The following CTNNA3 variants were observed in gnomAD, a reference collection of about 807,000 sequenced individuals.
The protein encoded by CTNNA3 is catenin alpha 3, also known as catenin alpha-3.
A neutral mutation model predicts 95.7 loss-of-function variants in CTNNA3; 76 were observed. The ratio of observed to expected loss-of-function variants is 0.79; its 90% CI spans 0.66 to 0.96. CTNNA3 has a LOEUF of 0.96. Ranked by LOEUF, CTNNA3 falls within the 40% of genes least tolerant of loss-of-function variation. The pLI, the probability that CTNNA3 is intolerant of heterozygous loss-of-function variation, is 0.00. For missense variants in CTNNA3, 1,191 were observed against 1,089.8 expected (o/e 1.09, Z -1.31); for synonymous variants, 431 against 374.4 (o/e 1.15, Z -1.74).
At chr10:65,927,977 C>CT (rs1459619207) in intron 17 of CTNNA3, among the ~76,000 whole-genome samples, 1 of 151,984 alleles carries the variant, frequency 6.6e-6, no homozygotes, top group Non-Finnish European at 1.5e-5. Flanking sequence ...TATTTTGATT[C>CT]TTTTTACATT....
At chr10:66,035,255 C>G (rs1237580538) in intron 15 of CTNNA3, among the ~76,000 whole-genome samples, 1 of 152,042 alleles carries the variant, frequency 6.6e-6, no homozygotes, top group Non-Finnish European at 1.5e-5. Flanking sequence ...GAAAAGGGTA[C>G]AGGTAGGGAA....
rs534595702 is a variant in CTNNA3, at chr10:67,559,057, C to T, written c.293-19388G>A. Among the ~76,000 whole-genome samples the T allele has an allele frequency of 9.2e-5, 14 of 152,340 alleles. No individual in the cohort carries two copies. The East Asian group carries it at 2.5e-3, about 27-fold the overall frequency. ...CCTCTGTAGGCTCCACCTCTGGGGG[C>T]AGGGCACAGACAAACAAAAAGACAG... is the stretch of plus-strand genomic sequence containing the variant. On this transcript the variant is annotated intron_variant, in intron 3 of 17. Coordinates refer to ENST00000433211, the MANE Select transcript of CTNNA3 (RefSeq NM_013266.4).
intron 11 of CTNNA3, among the ~76,000 whole-genome samples, chr10:66,438,648 G>A (rs182822035): frequency 7.2e-5 from 11 of 152,226 alleles, no homozygotes; most frequent in African/African-American, 1.9e-4. Flanking sequence ...GGTGGGATCC[G>A]CTGAGCTAGA....
intron 12 of CTNNA3, among the ~76,000 whole-genome samples, chr10:66,374,773 C>T (rs2092782586): frequency 6.6e-6 from 1 of 151,932 alleles, no homozygotes; most frequent in East Asian, 1.9e-4. Flanking sequence ...TGCTACAACA[C>T]CCATCTAATT....
intron 10 of CTNNA3, among the ~76,000 whole-genome samples, chr10:66,521,705 T>A (rs1589371392): frequency 1.3e-5 from 2 of 152,206 alleles, no homozygotes; most frequent in South Asian, 4.1e-4. Context: ...AAAATGCCTT[T>A]AGCATATCAA....
At chr10:66,584,794 C>T (rs994183272) in intron 10 of CTNNA3, among the ~76,000 whole-genome samples, 7 of 151,974 alleles carry the variant, frequency 4.6e-5, no homozygotes, top group African/African-American at 1.4e-4. Flanking sequence ...GAATTTTATG[C>T]TTTCAGGAGT....
chr10:67,194,157 T>C (rs1863244454), intron 6 of CTNNA3, among the ~76,000 whole-genome samples: 1 of 152,026 alleles, frequency 6.6e-6, no homozygotes. Context: ...TTTAATGGGG[T>C]TGTTTGAAAA....
chr10:67,058,876 T>A (rs1445080741), intron 7 of CTNNA3, among the ~76,000 whole-genome samples: 1 of 152,160 alleles, frequency 6.6e-6, no homozygotes, highest in African/African-American at 2.4e-5. Flanking sequence ...AAAATGAAGA[T>A]ACTTAGTATG....
intron 7 of CTNNA3, among the ~76,000 whole-genome samples, chr10:67,048,301 T>A (rs1252591722): frequency 2.0e-5 from 3 of 152,070 alleles, no homozygotes; most frequent in Non-Finnish European, 4.4e-5. Context: ...TAAACGTATT[T>A]AAAAGCCAGT....
At chr10:66,109,857 C>T (rs1383620285) in intron 13 of CTNNA3, among the ~76,000 whole-genome samples, 1 of 124,740 alleles carries the variant, frequency 8.0e-6, no homozygotes, top group Non-Finnish European at 1.6e-5. Context: ...TAACCTAAAA[C>T]TTAAAGTACA....
intron 13 of CTNNA3, among the ~76,000 whole-genome samples, chr10:66,190,219 A>G (rs774643275): frequency 5.9e-5 from 9 of 152,196 alleles, no homozygotes; most frequent in Non-Finnish European, 8.8e-5. Flanking sequence ...AATAACAGTA[A>G]TAGGCAATTT....
At chr10:66,728,205 T>C (rs1469678966) in intron 9 of CTNNA3, among the ~76,000 whole-genome samples, 1 of 152,192 alleles carries the variant, frequency 6.6e-6, no homozygotes, top group Non-Finnish European at 1.5e-5. Context: ...TAGCTTGTAG[T>C]TGGAAGGAAT....
chr10:66,605,466 T>C (rs1423740316), intron 10 of CTNNA3, among the ~76,000 whole-genome samples: 1 of 152,058 alleles, frequency 6.6e-6, no homozygotes, highest in Non-Finnish European at 1.5e-5. Flanking sequence ...AGAACCCCAG[T>C]AAGATACTTC....
intron 7 of CTNNA3, among the ~76,000 whole-genome samples, chr10:66,973,816 G>T (rs1849867065): frequency 6.6e-6 from 1 of 152,006 alleles, no homozygotes; most frequent in African/African-American, 2.4e-5. Context: ...CTGAGATGGG[G>T]TTTCACCATG....
intron 7 of CTNNA3, among the ~76,000 whole-genome samples, chr10:67,083,849 A>G (rs1857171405): frequency 6.6e-6 from 1 of 152,198 alleles, no homozygotes; most frequent in African/African-American, 2.4e-5. Context: ...AAAGCTACAC[A>G]TATTTTATTA....
At chr10:67,420,667 A>G (rs1845715126) in intron 5 of CTNNA3, among the ~76,000 whole-genome samples, 1 of 152,142 alleles carries the variant, frequency 6.6e-6, no homozygotes, top group East Asian at 1.9e-4. Flanking sequence ...CTCAGAGCAC[A>G]GAGTATTATC....
intron 11 of CTNNA3, among the ~76,000 whole-genome samples, chr10:66,422,202 A>G (rs1589226971): frequency 1.3e-5 from 2 of 152,114 alleles, no homozygotes; most frequent in East Asian, 3.9e-4. Flanking sequence ...GTTACAATCA[A>G]TGACTTTTGC....
intron 5 of CTNNA3, among the ~76,000 whole-genome samples, chr10:67,237,146 A>ATATATATG (rs1289535480): frequency 4.1e-5 from 3 of 73,926 alleles, no homozygotes; most frequent in Non-Finnish European, 7.6e-5. Flanking sequence ...ATATATATAT[A>ATATATATG]TATATATATA....
intron 10 of CTNNA3, among the ~76,000 whole-genome samples, chr10:66,564,726 A>C (rs1332031360): frequency 1.3e-5 from 2 of 152,336 alleles, no homozygotes; most frequent in Admixed American, 6.5e-5. Context: ...AGGACATAAA[A>C]GGTGAGGAAG....
Sources: allele counts gnomAD v4.1 joint callset (sites outside exome capture counted in the v4.1 genomes callset), GRCh38; gene constraint gnomAD v4.1.1; transcripts MANE v1.5; gene names NCBI Gene and HGNC (gene_info 2026-07-23, HGNC 2026-07-21).